TEX36: variants seen among roughly 807,000 people sequenced by gnomAD.
TEX36 encodes testis expressed 36.
In TEX36, 12 loss-of-function variants were observed where a neutral mutation model predicts 13.6. The observed-to-expected ratio is 0.88, with a 90% CI of 0.56 to 1.43. TEX36 has a LOEUF of 1.43. Ranked by LOEUF, TEX36 falls within the 40% of genes most tolerant of loss-of-function variation. The pLI is 0.00. For synonymous variants in TEX36, 93 were observed against 83.0 expected, an observed-to-expected ratio of 1.12 and a Z score of -0.65; for missense variants, 224 against 228.3, an observed-to-expected ratio of 0.98 and a Z score of 0.12.
chr10:125,595,116 T>C (rs1239456769), intron 3 of TEX36, among the ~76,000 whole-genome samples: 3 of 152,198 alleles, frequency 2.0e-5, no homozygotes, highest in Admixed American at 2.0e-4. Flanking sequence ...ATGAATAATT[T>C]TATAGAAATA....
chr10:125,601,718 A>T (rs1846149630), intron 3 of TEX36, among the ~76,000 whole-genome samples: 2 of 152,206 alleles, frequency 1.3e-5, no homozygotes, highest in African/African-American at 4.8e-5. Context: ...GTTAGCAGGC[A>T]GTCCCTGGCT....
chr10:125,601,122 C>G (rs536742111), intron 3 of TEX36, among the ~76,000 whole-genome samples: 1 of 152,302 alleles, frequency 6.6e-6, no homozygotes, highest in East Asian at 1.9e-4. Flanking sequence ...TCTAAGCATA[C>G]TTTATCTATA....
At chr10:125,651,510 G>C (rs947053970), downstream of TEX36, among the ~76,000 whole-genome samples, 3 of 152,092 alleles carry the variant, frequency 2.0e-5, no homozygotes, top group Non-Finnish European at 4.4e-5. Flanking sequence ...AATAATAAGA[G>C]CTATTTATGA....
At chr10:125,649,350 T>C (rs191817090) in intron 3 of TEX36, among the ~76,000 whole-genome samples, 1 of 152,196 alleles carries the variant, frequency 6.6e-6, no homozygotes, top group Non-Finnish European at 1.5e-5. Context: ...GGGGCCAATA[T>C]TCAACATTCT....
chr10:125,673,298 G>T (rs1258138970), intron 1 of TEX36, among the ~76,000 whole-genome samples: 1 of 152,166 alleles, frequency 6.6e-6, no homozygotes, highest in Non-Finnish European at 1.5e-5. Flanking sequence ...CTCTTGCAAG[G>T]TAGGCCTGGT....
At chr10:125,648,785 A>G (rs1263662381) in intron 3 of TEX36, among the ~76,000 whole-genome samples, 1 of 152,250 alleles carries the variant, frequency 6.6e-6, no homozygotes, top group Non-Finnish European at 1.5e-5. Context: ...AAGGCTAACT[A>G]GATTTAATAA....
chr10:125,587,210 C>T (rs1051546888), intron 3 of TEX36, among the ~76,000 whole-genome samples: 1 of 152,184 alleles, frequency 6.6e-6, no homozygotes, highest in African/African-American at 2.4e-5. Context: ...AACAAATTCA[C>T]TGGGTGTGGT....
intron 1 of TEX36, among the ~76,000 whole-genome samples, chr10:125,678,894 A>G (rs928297375): frequency 3.9e-5 from 6 of 152,050 alleles, no homozygotes; most frequent in African/African-American, 1.4e-4. Flanking sequence ...CCAAAATATG[A>G]CAGCAGGCAC....
downstream of TEX36, among the ~76,000 whole-genome samples, chr10:125,619,003 G>T (rs1335386486): frequency 6.7e-6 from 1 of 149,150 alleles, no homozygotes; most frequent in African/African-American, 2.5e-5. Context: ...GGTGTCGGGT[G>T]CCTGTAGTCT....
intron 1 of TEX36, among the ~76,000 whole-genome samples, chr10:125,665,822 C>T (rs763920060): frequency 3.9e-5 from 6 of 152,008 alleles, no homozygotes; most frequent in South Asian, 4.1e-4. Flanking sequence ...TGATGTATTC[C>T]GACGCAGGAG....
At chr10:125,626,146 G>A (rs1565177646) in intron 3 of TEX36, among the ~76,000 whole-genome samples, 1 of 152,186 alleles carries the variant, frequency 6.6e-6, no homozygotes, top group South Asian at 2.1e-4. Context: ...CAGCCAAGAA[G>A]CCACTTTTCT....
At chr10:125,609,561 T>C (rs184156431) in intron 3 of TEX36, among the ~76,000 whole-genome samples, 1 of 152,348 alleles carries the variant, frequency 6.6e-6, no homozygotes, top group Non-Finnish European at 1.5e-5. Context: ...TTCCAGCTGC[T>C]TAATTCCTAC....
intron 3 of TEX36, among the ~76,000 whole-genome samples, chr10:125,611,843 A>G (rs959022672): frequency 2.0e-5 from 3 of 151,906 alleles, no homozygotes; most frequent in African/African-American, 7.3e-5. Flanking sequence ...TAAATGTTTT[A>G]CTGTTAAAAG....
intron 3 of TEX36, among the ~76,000 whole-genome samples, chr10:125,624,959 C>T (rs1411836644): frequency 6.6e-6 from 1 of 152,128 alleles, no homozygotes; most frequent in Non-Finnish European, 1.5e-5. Context: ...CAGAGGAGGC[C>T]AGGGTGACCT....
chr10:125,590,386 G>A (rs961245582), intron 3 of TEX36, among the ~76,000 whole-genome samples: 1 of 152,124 alleles, frequency 6.6e-6, no homozygotes, highest in African/African-American at 2.4e-5. Context: ...AAAGTGCTGG[G>A]ATAACAGATG....
At chr10:125,679,517 G>C (rs1847363025) in intron 1 of TEX36, among the ~76,000 whole-genome samples, 1 of 152,168 alleles carries the variant, frequency 6.6e-6, no homozygotes, top group Non-Finnish European at 1.5e-5. Context: ...TAGTTTCAGG[G>C]AGAGAAGGGT....
At chr10:125,647,416 A>G (rs1385989170) in intron 3 of TEX36, among the ~76,000 whole-genome samples, 2 of 152,254 alleles carry the variant, frequency 1.3e-5, no homozygotes, top group East Asian at 3.8e-4. Context: ...GAGAGTGGGT[A>G]TACAGGAACT....
At chr10:125,605,451 A>G (rs57730692) in intron 3 of TEX36, among the ~76,000 whole-genome samples, 3 of 131,096 alleles carry the variant, frequency 2.3e-5, no homozygotes, top group African/African-American at 9.0e-5. Flanking sequence ...CATACACAGC[A>G]TAGTGCAGCA....
chr10:125,597,402 T>A (rs191726937), intron 3 of TEX36, among the ~76,000 whole-genome samples: 63 of 152,244 alleles, frequency 4.1e-4, no homozygotes, highest in African/African-American at 1.5e-3. Context: ...TATTACAGGG[T>A]GCTGAGCAAA....
Sources: allele counts gnomAD v4.1 joint callset (sites outside exome capture counted in the v4.1 genomes callset), GRCh38; gene constraint gnomAD v4.1.1; transcripts MANE v1.5; gene names NCBI Gene and HGNC (gene_info 2026-07-23, HGNC 2026-07-21).